The following DSE variants were observed in gnomAD, a reference collection of about 807,000 sequenced individuals.
The protein encoded by DSE is dermatan-sulfate epimerase.
Under a neutral mutation model 84.4 loss-of-function variants are expected in DSE, and 36 were observed. The ratio of observed to expected loss-of-function variants is 0.43; its 90% CI spans 0.33 to 0.56. The LOEUF is 0.56. Among genes scored for constraint, DSE ranks in the 20% least tolerant of loss-of-function variants. The pLI, the probability that DSE is intolerant of heterozygous loss-of-function variation, is 0.06. For missense variants in DSE, 862 were observed against 1,169.6 expected (o/e 0.74, Z 3.84); for synonymous variants, 410 against 430.1 (o/e 0.95, Z 0.58).
chr6:116,396,006 T>C (rs887080645), intron 1 of DSE, among the ~76,000 whole-genome samples: 1 of 152,252 alleles, frequency 6.6e-6, no homozygotes, highest in African/African-American at 2.4e-5. Flanking sequence ...CTAGGCTTCA[T>C]ACGTGTTTTC....
chr6:116,401,923 T>A (rs1401061875), intron 2 of DSE, among the ~76,000 whole-genome samples: 2 of 148,204 alleles, frequency 1.3e-5, no homozygotes, highest in Admixed American at 6.7e-5. Flanking sequence ...ATTATGAAAG[T>A]AAAAAAAAAA....
intron 2 of DSE, among the ~76,000 whole-genome samples, chr6:116,329,807 G>A (rs1323177507): frequency 1.3e-5 from 2 of 152,140 alleles, no homozygotes; most frequent in African/African-American, 4.8e-5. Flanking sequence ...AGGCAAACCA[G>A]TATATAGGTA....
At chr6:116,349,746 G>T (rs1039182384) in intron 2 of DSE, among the ~76,000 whole-genome samples, 1 of 152,172 alleles carries the variant, frequency 6.6e-6, no homozygotes, top group Admixed American at 6.5e-5. Flanking sequence ...AAGTGAGGAG[G>T]AAGGGAGGGC....
intron 1 of DSE, among the ~76,000 whole-genome samples, chr6:116,381,205 G>T (rs1780201441): frequency 6.6e-6 from 1 of 152,120 alleles, no homozygotes; most frequent in Non-Finnish European, 1.5e-5. Context: ...TTCTTTGAAT[G>T]AGGAAAGTAC....
At chr6:116,330,184 A>G (rs1445246653) in intron 2 of DSE, among the ~76,000 whole-genome samples, 1 of 152,236 alleles carries the variant, frequency 6.6e-6, no homozygotes, top group African/African-American at 2.4e-5. Context: ...GCTAAAATAT[A>G]TACTTTATTA....
At chr6:116,326,785 T>C (rs1419336354) in intron 2 of DSE, among the ~76,000 whole-genome samples, 1 of 152,132 alleles carries the variant, frequency 6.6e-6, no homozygotes, top group African/African-American at 2.4e-5. Context: ...ATAGGTGAAA[T>C]AGTATGTAAG....
At chr6:116,370,250 C>T, upstream of DSE, 1 of 250,338 alleles carries the variant, frequency 4.0e-6, no homozygotes, top group Non-Finnish European at 8.1e-6. Context: ...TGTGAGCTGC[C>T]TACATTAAAT....
intron 2 of DSE, among the ~76,000 whole-genome samples, chr6:116,421,128 C>T (rs1783046052): frequency 6.6e-6 from 1 of 152,090 alleles, no homozygotes; most frequent in Non-Finnish European, 1.5e-5. Flanking sequence ...ACCAACATTC[C>T]ACCCTTACAC....
intron 2 of DSE, among the ~76,000 whole-genome samples, chr6:116,358,623 T>G (rs1778709443): frequency 6.6e-6 from 1 of 152,210 alleles, no homozygotes; most frequent in Non-Finnish European, 1.5e-5. Flanking sequence ...CAGAATTTCT[T>G]GTTGTGCCTC....
intron 2 of DSE, chr6:116,279,804 C>T: frequency 1.9e-6 from 3 of 1,612,960 alleles, no homozygotes; most frequent in African/African-American, 1.3e-5. Flanking sequence ...GGGGAGTGGT[C>T]CTCTTGACCC....
rs774012350 is a variant in DSE at position 116,436,854 on chromosome 6, A to G, written c.2386A>G (p.Ile796Val). Residue 796 changes from isoleucine (I) to valine (V), a missense_variant, in exon 6 of 6, where the codon ATA becomes GTA. Around this residue, in one of 4 missense-constraint regions of DSE, gnomAD observed 315 missense variants for 348.1 expected, o/e 0.90. Coordinates refer to ENST00000644252, the MANE Select transcript of DSE (RefSeq NM_013352.4). ...GGAGGCCATTGACAGGATTTTTGCC[A>G]TATCACAGCAACAGCAGCAGCAAAG... Reference protein sequence around the residue: ...TEEAIDRIFAISQQQQQQSKS... With the variant: ...TEEAIDRIFAVSQQQQQQSKS... 7.4e-6 allele frequency: 12 copies of G among 1,614,018 alleles called. No homozygotes were observed. In the East Asian group the frequency reaches 2.0e-4, roughly 27 times the overall value.
upstream of DSE, chr6:116,370,607 G>A: frequency 1.2e-6 from 1 of 800,594 alleles, no homozygotes; most frequent in Non-Finnish European, 1.5e-6. Context: ...TGTGATTCTC[G>A]AACCCGAAGC....
intron 3 of DSE, among the ~76,000 whole-genome samples, chr6:116,430,674 T>C (rs1422241842): frequency 6.6e-6 from 1 of 152,160 alleles, no homozygotes; most frequent in Non-Finnish European, 1.5e-5. Context: ...CCCAAGTAGC[T>C]GGGACTACAG....
chr6:116,322,688 T>G (rs1286274742), intron 2 of DSE, among the ~76,000 whole-genome samples: 1 of 152,222 alleles, frequency 6.6e-6, no homozygotes, highest in East Asian at 1.9e-4. Context: ...AAGTATTTCA[T>G]TCCTCAACCA....
rs536071997 is a variant in DSE at position 116,305,490 on chromosome 6, T to C, written c.-54+46523T>C. Among the ~76,000 whole-genome samples the C allele has an allele frequency of 3.7e-4, 57 of 152,348 alleles. 1 individual carries two copies. In the East Asian group the frequency reaches 9.8e-3, roughly 26 times the overall value. On this transcript the variant is annotated intron_variant, in intron 2 of 3. Transcript: ENST00000430252. ...GAAAGTGAAATGCAATACATGGTCC[T>C]GGATTAGGTCCTATACAAGAAAAAC... is the stretch of plus-strand genomic sequence containing the variant.
intron 2 of DSE, among the ~76,000 whole-genome samples, chr6:116,325,725 T>A (rs1426596072): frequency 6.6e-6 from 1 of 152,164 alleles, no homozygotes; most frequent in Non-Finnish European, 1.5e-5. Flanking sequence ...ATAGCAAGCA[T>A]TCAGATATTT....
intron 2 of DSE, among the ~76,000 whole-genome samples, chr6:116,313,759 T>C (rs2114738651): frequency 6.6e-6 from 1 of 152,344 alleles, no homozygotes; most frequent in Non-Finnish European, 1.5e-5. Context: ...AATCATTGGG[T>C]GAATCGGTTC....
chr6:116,405,687 T>C (rs907498562), intron 2 of DSE, among the ~76,000 whole-genome samples: 3 of 152,246 alleles, frequency 2.0e-5, no homozygotes, highest in Non-Finnish European at 4.4e-5. Flanking sequence ...CACACAGCCA[T>C]TGGGAATTCA....
chr6:116,283,835 C>T (rs546758412), intron 2 of DSE, among the ~76,000 whole-genome samples: 3 of 152,276 alleles, frequency 2.0e-5, no homozygotes, highest in South Asian at 2.1e-4. Context: ...TGAGCCACTG[C>T]GCCCGGCTAG....
Sources: gnomAD v4.1 joint callset for allele counts (sites outside exome capture counted in the v4.1 genomes callset) on GRCh38, gnomAD v4.1.1 for gene constraint, gnomAD v4.1.1 regional missense constraint, MANE v1.5 for transcripts, NCBI Gene and HGNC (gene_info 2026-07-23, HGNC 2026-07-21) for gene names.